The following TPO variants were observed in gnomAD, a reference collection of about 807,000 sequenced individuals.
The protein encoded by TPO is thyroid microsomal antigen.
A neutral mutation model predicts 96.9 loss-of-function variants in TPO; 78 were observed. The ratio of observed to expected loss-of-function variants is 0.81; its 90% CI spans 0.67 to 0.97. The LOEUF is 0.97. Ranked by LOEUF, TPO falls within the 50% of genes least tolerant of loss-of-function variation. The pLI is 0.00. For synonymous variants in TPO, 547 were observed against 538.0 expected, an observed-to-expected ratio of 1.02 and a Z score of -0.23; for missense variants, 1,252 against 1,274.8, an observed-to-expected ratio of 0.98 and a Z score of 0.27.
intron 5 of TPO, among the ~76,000 whole-genome samples, chr2:1,440,763 G>A (rs540284174): frequency 8.5e-5 from 13 of 152,096 alleles, no homozygotes; most frequent in African/African-American, 2.4e-4. Context: ...GCCGCAGGAC[G>A]TACTATGTTG....
intron 5 of TPO, chr2:1,439,296 A>G (rs11896057): frequency 0.32 from 50,115 of 158,642 alleles, 8,825 homozygotes; most frequent in South Asian, 0.48. Flanking sequence ...CTTCTGTGGT[A>G]ACAGCTACAG....
chr2:1,395,555 T>C (rs1399347306), intron 1 of TPO, among the ~76,000 whole-genome samples: 2 of 152,114 alleles, frequency 1.3e-5, no homozygotes, highest in Non-Finnish European at 2.9e-5. Flanking sequence ...ATAAAAAACA[T>C]AAAAATATCT....
Position 1,477,376 on chromosome 2 carries a change from C to A in TPO, c.1110C>A (p.Arg370=), listed in dbSNP as rs1190155346. The A allele has an allele frequency of 2.0e-6, 3 of 1,532,512 alleles. No individual in the cohort carries two copies. The African/African-American group carries it at 4.1e-5, about 21-fold the overall frequency. 94.9% of individuals were successfully genotyped at this position (1,532,512 alleles called of 1,614,324 possible). The part of the protein sequence containing the change: ...GRAYLPFVPP[R]APAACAPEPG... ...CCTACCTGCCCTTCGTGCCGCCACG[C>A]GCGCCTGCGGCCTGTGCGCCCGAGC... Residue 370 remains arginine (R), a synonymous_variant, in exon 8 of 17, where the codon CGC becomes CGA. Coordinates refer to ENST00000329066, the MANE Select transcript of TPO (RefSeq NM_001206744.2).
At chr2:1,421,817 C>T (rs1251991346) in intron 2 of TPO, among the ~76,000 whole-genome samples, 2 of 152,322 alleles carry the variant, frequency 1.3e-5, no homozygotes, top group East Asian at 1.9e-4. Flanking sequence ...CCGCCCCTCC[C>T]CTCTCGGCTC....
intron 7 of TPO, among the ~76,000 whole-genome samples, chr2:1,473,205 G>A (rs1014871788): frequency 4.6e-5 from 7 of 152,184 alleles, no homozygotes; most frequent in Admixed American, 3.3e-4. Flanking sequence ...GCTCGAAGTC[G>A]ACAGTGACCT....
chr2:1,529,346 C>T (rs1223558811), intron 15 of TPO, among the ~76,000 whole-genome samples: 2 of 111,006 alleles, frequency 1.8e-5, no homozygotes, highest in East Asian at 6.9e-4. Context: ...CCACTGTGTG[C>T]AACCTCCCCA....
At chr2:1,441,415 C>T (rs1308677913) in intron 5 of TPO, among the ~76,000 whole-genome samples, 4 of 152,198 alleles carry the variant, frequency 2.6e-5, no homozygotes, top group African/African-American at 9.7e-5. Context: ...TGTGTGCATG[C>T]ACGGCAAGCT....
intron 7 of TPO, among the ~76,000 whole-genome samples, chr2:1,457,991 C>G (rs187459451): frequency 6.7e-6 from 1 of 148,774 alleles, no homozygotes; most frequent in East Asian, 2.0e-4. Flanking sequence ...TGTGTGGGCA[C>G]GTGTGTATAT....
intron 7 of TPO, among the ~76,000 whole-genome samples, chr2:1,475,742 G>A (rs1669861977): frequency 2.0e-5 from 3 of 152,204 alleles, no homozygotes; most frequent in African/African-American, 4.8e-5. Flanking sequence ...GTGAGCCCCC[G>A]CGCCCGGCCG....
intron 3 of TPO, among the ~76,000 whole-genome samples, chr2:1,424,423 G>T (rs140875065): frequency 6.6e-6 from 1 of 152,202 alleles, no homozygotes; most frequent in Non-Finnish European, 1.5e-5. Flanking sequence ...ACCTTCCATC[G>T]TGACCTGACC....
chr2:1,496,809 T>C (rs1672400232), intron 13 of TPO, 44 bp downstream of exon 13: 1 of 1,613,458 alleles, frequency 6.2e-7, no homozygotes, highest in Non-Finnish European at 8.5e-7. Flanking sequence ...TCTGAATGTT[T>C]CCGATATAAG....
chr2:1,418,873 C>T (rs1035317901), intron 2 of TPO, among the ~76,000 whole-genome samples: 1 of 152,204 alleles, frequency 6.6e-6, no homozygotes, highest in Admixed American at 6.5e-5. Flanking sequence ...TAAATTTCAA[C>T]AAACAGCAAG....
intron 5 of TPO, among the ~76,000 whole-genome samples, chr2:1,439,877 C>G (rs751245160): frequency 6.6e-6 from 1 of 152,146 alleles, no homozygotes; most frequent in African/African-American, 2.4e-5. Flanking sequence ...GCCCAAGAAC[C>G]ACCCCAAAGG....
intron 1 of TPO, among the ~76,000 whole-genome samples, chr2:1,401,652 C>T (rs1010359770): frequency 1.3e-5 from 2 of 152,134 alleles, no homozygotes; most frequent in African/African-American, 4.8e-5. Flanking sequence ...CCTGCTACCT[C>T]CTCCTCCTGG....
At chr2:1,486,814 C>A (rs568135127) in intron 9 of TPO, among the ~76,000 whole-genome samples, 2 of 152,198 alleles carry the variant, frequency 1.3e-5, no homozygotes, top group South Asian at 2.1e-4. Context: ...GTGGGGAGGG[C>A]AGGGGTGCTG....
chr2:1,441,558 G>C (rs893785112), intron 5 of TPO, among the ~76,000 whole-genome samples: 1 of 152,148 alleles, frequency 6.6e-6, no homozygotes, highest in Admixed American at 6.5e-5. Context: ...TTCTGTTTCT[G>C]TTACCAACCT....
intron 1 of TPO, among the ~76,000 whole-genome samples, chr2:1,399,450 T>C (rs1448336872): frequency 6.6e-6 from 1 of 152,174 alleles, no homozygotes; most frequent in Admixed American, 6.5e-5. Context: ...ATACCCACGG[T>C]GAAGCTTAGT....
chr2:1,470,510 C>A (rs1351227020), intron 7 of TPO, among the ~76,000 whole-genome samples: 2 of 149,978 alleles, frequency 1.3e-5, no homozygotes, highest in Admixed American at 6.6e-5. Context: ...AGCAGGTCTT[C>A]CTTATCTGGT....
chr2:1,519,946 A>G (rs1675081300), intron 15 of TPO, among the ~76,000 whole-genome samples: 1 of 152,208 alleles, frequency 6.6e-6, no homozygotes, highest in Non-Finnish European at 1.5e-5. Context: ...ATTTGGCTAT[A>G]GTTGATTTTA....
Sources: allele counts gnomAD v4.1 joint callset (sites outside exome capture counted in the v4.1 genomes callset), GRCh38; gene constraint gnomAD v4.1.1; transcripts MANE v1.5; gene names NCBI Gene and HGNC (gene_info 2026-07-23, HGNC 2026-07-21).